Variants in MED13 observed in about 807,000 individuals in gnomAD.
MED13 encodes the protein mediator complex subunit 13.
A neutral mutation model predicts 225.2 loss-of-function variants in MED13; 23 were observed. That is an observed-to-expected ratio of 0.10 (90% confidence interval 0.07 to 0.14). MED13 has a LOEUF of 0.14. Among genes scored for constraint, MED13 ranks in the 10% least tolerant of loss-of-function variants. MED13 has a pLI of 1.00. For synonymous variants in MED13, 942 were observed against 889.2 expected, an observed-to-expected ratio of 1.06 and a Z score of -1.06; for missense variants, 2,197 against 2,594.5, an observed-to-expected ratio of 0.85 and a Z score of 3.33.
At chr17:61,972,496 CT>C (rs958956916) in intron 17 of MED13, among the ~76,000 whole-genome samples, 3 of 151,896 alleles carry the variant, frequency 2.0e-5, no homozygotes, top group Admixed American at 6.6e-5. Flanking sequence ...GGAAAGCCCC[CT>C]ATGTGTAAGA....
intron 13 of MED13, 51 bp from the exon 14 acceptor site, chr17:61,984,916 T>C (rs374937814): frequency 1.3e-6 from 2 of 1,593,764 alleles, no homozygotes; most frequent in Non-Finnish European, 1.7e-6. Flanking sequence ...TAGGCGAATC[T>C]GTGTTTAAAC....
chr17:62,054,586 G>C (rs2080982538), intron 2 of MED13, among the ~76,000 whole-genome samples: 1 of 152,088 alleles, frequency 6.6e-6, no homozygotes, highest in African/African-American at 2.4e-5. Context: ...TAAAGGTCTA[G>C]ATCACAAGCA....
chr17:61,995,639 C>T (rs1040900775), intron 9 of MED13, among the ~76,000 whole-genome samples: 4 of 152,266 alleles, frequency 2.6e-5, no homozygotes, highest in Middle Eastern at 6.8e-3. Flanking sequence ...AGGTAACTCA[C>T]GGTTCTCAAG....
chr17:61,999,759 T>G (rs1333645639), intron 9 of MED13, among the ~76,000 whole-genome samples: 1 of 152,052 alleles, frequency 6.6e-6, no homozygotes, highest in African/African-American at 2.4e-5. Flanking sequence ...AAACTGCTAA[T>G]CAGAAAAATC....
At chr17:61,957,356 A>ATT (rs199681354) in intron 23 of MED13, among the ~76,000 whole-genome samples, 44 of 128,350 alleles carry the variant, frequency 3.4e-4, no homozygotes, top group Admixed American at 2.6e-3. Flanking sequence ...TAAACTTTTT[A>ATT]TTTTTTTTTT....
At chr17:62,011,992 G>A (rs906999940) in intron 8 of MED13, among the ~76,000 whole-genome samples, 3 of 152,186 alleles carry the variant, frequency 2.0e-5, no homozygotes, top group African/African-American at 7.2e-5. Flanking sequence ...TGAGGTGGGC[G>A]GATCACCTGA....
chr17:61,968,088 C>T lies in MED13; in HGVS notation c.4138G>A (p.Ala1380Thr). The change falls in exon 18 of 30, where the codon GCC becomes ACC. Residue 1380 changes from alanine to threonine, a missense_variant. By Grantham distance (58) the Ala-to-Thr change is moderately conservative. Coordinates refer to ENST00000397786, the MANE Select transcript of MED13 (RefSeq NM_005121.3). The stretch of plus-strand genomic sequence containing the variant: ...AAGCTTTTTGCTCCATTTAACAAGG[C>T]TTCATTTTCTGGACACAGTACAACA... ...AYVVLCPENEALLNGAKSFFR... is the reference protein window; with the variant it reads ...AYVVLCPENETLLNGAKSFFR... 1 of 1,613,974 alleles carries T rather than the reference C, an allele frequency of 6.2e-7. No homozygotes were observed. The highest frequency in any genetic ancestry group is 8.5e-7 in the Non-Finnish European group (1 of 1,179,938).
At chr17:62,009,070 TAAGG>T (rs1603401570) in intron 9 of MED13, among the ~76,000 whole-genome samples, 1 of 152,222 alleles carries the variant, frequency 6.6e-6, no homozygotes, top group African/African-American at 2.4e-5. Context: ...AATGATCTGA[TAAGG>T]AAGGAATCGT....
chr17:62,047,780 C>CGGG (rs2080911640), intron 3 of MED13, among the ~76,000 whole-genome samples: 1 of 151,266 alleles, frequency 6.6e-6, no homozygotes, highest in Non-Finnish European at 1.5e-5. Flanking sequence ...GAGAGAGAGA[C>CGGG]GGGGGTCTAG....
intron 9 of MED13, among the ~76,000 whole-genome samples, chr17:61,996,321 G>A (rs1266132646): frequency 6.6e-6 from 1 of 152,028 alleles, no homozygotes; most frequent in African/African-American, 2.4e-5. Flanking sequence ...CTATTCTCTC[G>A]GGTTTACAAA....
At chr17:62,062,681 A>G (rs748814192) in intron 2 of MED13, among the ~76,000 whole-genome samples, 35 of 152,044 alleles carry the variant, frequency 2.3e-4, no homozygotes, top group Non-Finnish European at 4.3e-4. Flanking sequence ...AATGCAAAAG[A>G]CTCAACTTCA....
intron 17 of MED13, among the ~76,000 whole-genome samples, chr17:61,969,742 T>C (rs1289337730): frequency 1.3e-5 from 2 of 151,954 alleles, no homozygotes; most frequent in African/African-American, 2.4e-5. Context: ...GCTGGGATTA[T>C]AGGCACACAT....
At chr17:61,956,069 T>C (rs986712273) in intron 24 of MED13, among the ~76,000 whole-genome samples, 3 of 152,146 alleles carry the variant, frequency 2.0e-5, no homozygotes, top group Admixed American at 1.3e-4. Context: ...AATTGGTATC[T>C]GCTCAACAGA....
At chr17:61,951,336 A>C (rs1182838041) in intron 27 of MED13, among the ~76,000 whole-genome samples, 2 of 152,190 alleles carry the variant, frequency 1.3e-5, no homozygotes, top group Non-Finnish European at 1.5e-5. Context: ...ATATTCCTTT[A>C]AGTCCTGAAA....
At chr17:61,996,135 A>G (rs2143523065) in intron 9 of MED13, among the ~76,000 whole-genome samples, 2 of 152,328 alleles carry the variant, frequency 1.3e-5, no homozygotes, top group Middle Eastern at 6.8e-3. Flanking sequence ...GACCACAGAA[A>G]GCTGAAATCT....
Position 61,968,201 on chromosome 17 carries a change from T to C in MED13, c.4025A>G (p.Tyr1342Cys). The change falls in exon 18 of 30, where the codon TAT becomes TGT. Residue 1342 changes from tyrosine to cysteine, a missense_variant. Tyr to Cys is a radical substitution (Grantham distance 194). Transcript: ENST00000397786. ...AAATGGAGAAAGCACCAGATAATCA[T>C]AATCATAACCCAACAAAAATGTGGG... ...PIPTFLLGYD[Y>C]DYLVLSPFAL... The C allele has an allele frequency of 1.2e-6, 2 of 1,614,120 alleles. No homozygotes were observed. The highest frequency in any genetic ancestry group is 1.7e-6 in the Non-Finnish European group (2 of 1,179,996).
chr17:61,974,169 T>C (rs1037212169), intron 16 of MED13, among the ~76,000 whole-genome samples: 4 of 152,124 alleles, frequency 2.6e-5, no homozygotes, highest in African/African-American at 9.7e-5. Context: ...TGCAGCACTT[T>C]GGGAGACTGA....
chr17:61,993,940 CAAACAAACA>C (rs796599609), intron 10 of MED13, among the ~76,000 whole-genome samples: 8 of 116,408 alleles, frequency 6.9e-5, no homozygotes, highest in African/African-American at 5.1e-4. Flanking sequence ...TCAAAACAAA[CAAACAAACA>C]AAAAAAAAAA....
intron 8 of MED13, among the ~76,000 whole-genome samples, chr17:62,021,614 G>A (rs1033192859): frequency 6.6e-6 from 1 of 152,162 alleles, no homozygotes; most frequent in Non-Finnish European, 1.5e-5. Flanking sequence ...ATTCAATCTC[G>A]CTAATGAAAA....
Sources: gnomAD v4.1 joint callset for allele counts (sites outside exome capture counted in the v4.1 genomes callset) on GRCh38, gnomAD v4.1.1 for gene constraint, MANE v1.5 for transcripts, NCBI Gene and HGNC (gene_info 2026-07-23, HGNC 2026-07-21) for gene names.